Variants in WFDC6 observed in about 807,000 individuals in gnomAD.
WFDC6 encodes the protein WAP four-disulfide core domain 6.
A neutral mutation model predicts 8.2 loss-of-function variants in WFDC6; 10 were observed. That is an observed-to-expected ratio of 1.22 (90% CI 0.75 to 2.07). WFDC6 has a LOEUF of 2.07. Ranked by LOEUF, WFDC6 falls within the 30% of genes most tolerant of loss-of-function variation. The pLI is 0.00. For synonymous variants in WFDC6, 28 were observed against 37.0 expected (o/e 0.76, Z 0.88); for missense variants, 105 against 104.9 (o/e 1.00, Z 0.00).
rs556522744 is a variant in WFDC6, at chr20:45,534,394, C to T, written c.*73G>A. On this transcript the variant is annotated 3_prime_UTR_variant, in exon 3 of 3. Coordinates refer to ENST00000372670, the MANE Select transcript of WFDC6 (RefSeq NM_080827.2). ...TTTCTGGAACAGCCAAGGTTTGGCCCGTGGAAGCCAATTTGGAGCATCAAT... is the reference window on the plus strand; with the variant it reads ...TTTCTGGAACAGCCAAGGTTTGGCCTGTGGAAGCCAATTTGGAGCATCAAT... The T allele has an allele frequency of 1.6e-5, 25 of 1,588,288 alleles. No individual in the cohort carries two copies. The highest frequency in any genetic ancestry group is 5.4e-5 in the African/African-American group (4 of 74,426).
At chr20:45,534,542 C>T in intron 2 of WFDC6, 37 bp from the exon 3 acceptor site, 1 of 1,611,240 alleles carries the variant, frequency 6.2e-7, no homozygotes, top group Non-Finnish European at 8.5e-7. Context: ...GATGCTTGGA[C>T]CCTGACCACA....
chr20:45,535,933 A>G (rs1600869856), intron 2 of WFDC6, among the ~76,000 whole-genome samples: 1 of 151,706 alleles, frequency 6.6e-6, no homozygotes, highest in Admixed American at 6.6e-5. Context: ...TTTCTTACAC[A>G]CCCCGTGCCT....
intron 2 of WFDC6, among the ~76,000 whole-genome samples, chr20:45,536,465 C>T (rs147004267): frequency 1.7e-3 from 263 of 152,276 alleles, no homozygotes; most frequent in Admixed American, 2.6e-3. Flanking sequence ...CATCTATTAA[C>T]ATTTAATCTT....
At chr20:45,539,045 C>G (rs776937887) in intron 1 of WFDC6, among the ~76,000 whole-genome samples, 1 of 152,072 alleles carries the variant, frequency 6.6e-6, no homozygotes, top group Non-Finnish European at 1.5e-5. Context: ...GCTTACTACT[C>G]CTTCTTAGTT....
intron 2 of WFDC6, among the ~76,000 whole-genome samples, chr20:45,536,050 A>G (rs1354649300): frequency 6.6e-6 from 1 of 152,154 alleles, no homozygotes; most frequent in Non-Finnish European, 1.5e-5. Flanking sequence ...TCCTGGATTC[A>G]TTCTTTACTC....
chr20:45,539,162 C>T (rs1979487640), intron 1 of WFDC6, among the ~76,000 whole-genome samples, 155 bp downstream of exon 1: 1 of 152,180 alleles, frequency 6.6e-6, no homozygotes, highest in African/African-American at 2.4e-5. Context: ...AAGGGAGTCT[C>T]TTACCAAGAG....
Position 45,534,405 on chromosome 20 carries a change from A to T in WFDC6, c.*62T>A. 1 of 1,607,372 alleles carries T rather than the reference A, an allele frequency of 6.2e-7. No individual in the cohort carries two copies. Among genetic ancestry groups the T allele is most frequent in the African/African-American group, 1.3e-5 (1 of 74,870 alleles). ...GCCAAGGTTTGGCCCGTGGAAGCCA[A>T]TTTGGAGCATCAATCAGGCACACGT... is the stretch of plus-strand genomic sequence containing the variant. On this transcript the variant is annotated 3_prime_UTR_variant, in exon 3 of 3. Coordinates refer to ENST00000372670, the MANE Select transcript of WFDC6 (RefSeq NM_080827.2).
chr20:45,535,725 A>G (rs1476021365), intron 2 of WFDC6, among the ~76,000 whole-genome samples: 1 of 152,182 alleles, frequency 6.6e-6, no homozygotes, highest in Non-Finnish European at 1.5e-5. Flanking sequence ...GACTCCATGA[A>G]AGGCCACCAG....
chr20:45,534,654 G>A, intron 2 of WFDC6, 149 bp from the exon 3 acceptor site: 1 of 883,802 alleles, frequency 1.1e-6, no homozygotes, highest in Non-Finnish European at 1.7e-6. Flanking sequence ...CTCCTAGAAT[G>A]ATCATGAGTT....
chr20:45,534,771 G>T (rs1172206861), intron 2 of WFDC6, among the ~76,000 whole-genome samples: 2 of 152,194 alleles, frequency 1.3e-5, no homozygotes, highest in South Asian at 2.1e-4. Flanking sequence ...GGCCAATAAA[G>T]TATGTGGTTG....
At chr20:45,539,200 CT>C (rs557502366) in intron 1 of WFDC6, 116 bp downstream of exon 1, 2 of 1,006,152 alleles carry the variant, frequency 2.0e-6, no homozygotes, top group South Asian at 1.5e-5. Context: ...TCTTTCCCAC[CT>C]GGAATTCCAG....
intron 2 of WFDC6, among the ~76,000 whole-genome samples, chr20:45,536,029 T>C (rs1377340913): frequency 2.1e-4 from 32 of 152,248 alleles, no homozygotes; most frequent in Admixed American, 2.0e-3. Flanking sequence ...TTGACTCTTT[T>C]ATGCAGTCTT....
intron 2 of WFDC6, chr20:45,537,430 G>A: frequency 4.4e-6 from 5 of 1,149,122 alleles, no homozygotes; most frequent in Non-Finnish European, 6.4e-6. Context: ...TGAATGAATA[G>A]AATGAACGAA....
intron 2 of WFDC6, among the ~76,000 whole-genome samples, chr20:45,535,859 C>A (rs1053629986): frequency 2.6e-5 from 4 of 152,176 alleles, no homozygotes; most frequent in African/African-American, 9.7e-5. Context: ...CTTCTCCTCT[C>A]CAGCTTTATT....
chr20:45,537,699 A>C (rs1979419874), intron 2 of WFDC6: 2 of 1,134,966 alleles, frequency 1.8e-6, no homozygotes, highest in African/African-American at 1.6e-5. Flanking sequence ...CATGTGGTCC[A>C]TTATCCACAC....
intron 2 of WFDC6, chr20:45,537,610 C>A (rs1600870865): frequency 6.7e-6 from 10 of 1,500,640 alleles, no homozygotes; most frequent in Non-Finnish European, 9.1e-6. Flanking sequence ...TATCATATAA[C>A]CTGACACAAT....
rs796734705 is a variant in WFDC6 at position 45,537,847 on chromosome 20, T to C, written c.222+117A>G. ...TGGCAGATTTGTGTCAAGTAGAAGA[T>C]GTACCTAAACTCTTGGTCAGAGACC... On this transcript the variant is annotated intron_variant, in intron 2 of 2. Coordinates refer to ENST00000372670, the MANE Select transcript of WFDC6 (RefSeq NM_080827.2). 2.6e-6 allele frequency: 4 copies of C among 1,551,110 alleles called. No homozygotes were observed. In the African/African-American group the frequency reaches 5.5e-5, roughly 21 times the overall value.
chr20:45,534,991 A>C (rs1979309716), intron 2 of WFDC6, among the ~76,000 whole-genome samples: 1 of 151,946 alleles, frequency 6.6e-6, no homozygotes, highest in Non-Finnish European at 1.5e-5. Context: ...CCTTTGACTA[A>C]TCCCTCCCTT....
At chr20:45,538,882 A>G (rs536845613) in intron 1 of WFDC6, among the ~76,000 whole-genome samples, 7 of 152,276 alleles carry the variant, frequency 4.6e-5, no homozygotes, top group Non-Finnish European at 7.4e-5. Context: ...TTCACATTTC[A>G]GCATTCCAAG....
Sources: gnomAD v4.1 joint callset for allele counts (sites outside exome capture counted in the v4.1 genomes callset) on GRCh38, gnomAD v4.1.1 for gene constraint, MANE v1.5 for transcripts, NCBI Gene and HGNC (gene_info 2026-07-23, HGNC 2026-07-21) for gene names.